Variants in MARCHF1 observed in about 807,000 individuals in gnomAD.
MARCHF1 encodes the protein E3 ubiquitin-protein ligase MARCHF1.
In MARCHF1, 40 loss-of-function variants were observed where a neutral mutation model predicts 54.2. That is an observed-to-expected ratio of 0.74 (90% CI 0.57 to 0.96). The LOEUF is 0.96. Among genes scored for constraint, MARCHF1 ranks in the 40% least tolerant of loss-of-function variants. The pLI is 0.00. For missense variants in MARCHF1, 586 were observed against 656.5 expected, an observed-to-expected ratio of 0.89 and a Z score of 1.17; for synonymous variants, 236 against 236.3, an observed-to-expected ratio of 1.00 and a Z score of 0.01.
chr4:164,134,414 A>G (rs1450361325), intron 1 of MARCHF1, among the ~76,000 whole-genome samples: 6 of 152,212 alleles, frequency 3.9e-5, no homozygotes, highest in Non-Finnish European at 5.9e-5. Flanking sequence ...GAGAGAATAC[A>G]TGCATCCTTG....
chr4:164,150,800 G>A (rs968292080), intron 1 of MARCHF1, among the ~76,000 whole-genome samples: 6 of 152,168 alleles, frequency 3.9e-5, no homozygotes, highest in East Asian at 1.9e-4. Context: ...AGATGTTCAC[G>A]TACTAATGTC....
Position 164,262,151 on chromosome 4 carries a change from GATCTTATTTATCATGTT to G in MARCHF1, c.-323+121702_-323+121718del, listed in dbSNP as rs558225492. 5.2e-3 allele frequency among the ~76,000 whole-genome samples: 786 copies of G among 151,178 alleles called. 7 individuals carry two copies. The highest frequency in any genetic ancestry group is 0.018 in the African/African-American group (735 of 41,166). Reference sequence around the variant, plus strand: ...GAATAGAGAGAATGCTGAGAGAAAGGATCTTATTTATCATGTTCACCTCCCAAGAGGTGAACATATCC... The same window carrying G: ...GAATAGAGAGAATGCTGAGAGAAAGGCACCTCCCAAGAGGTGAACATATCC... On this transcript the variant is annotated intron_variant, in intron 1 of 9. Coordinates refer to ENST00000514618, the MANE Select transcript of MARCHF1 (RefSeq NM_001394959.1).
intron 8 of MARCHF1, chr4:163,584,692 T>C (rs1740349273): frequency 6.6e-6 from 1 of 152,202 alleles, no homozygotes; most frequent in African/African-American, 2.4e-5. Context: ...CCCTCCACAA[T>C]TTACAGAATT....
chr4:163,737,153 CTTTTTTCTTTCTTT>C (rs377654344), intron 4 of MARCHF1, among the ~76,000 whole-genome samples: 3,764 of 79,204 alleles, frequency 0.048, 499 homozygotes, highest in East Asian at 0.11. Context: ...GCGCTCGCAG[CTTTTTTCTTTCTTT>C]TTTTTTTTTT....
intron 2 of MARCHF1, among the ~76,000 whole-genome samples, chr4:164,096,397 A>G (rs539980380): frequency 6.6e-6 from 1 of 152,240 alleles, no homozygotes; most frequent in South Asian, 2.1e-4. Flanking sequence ...TGGGAACAAT[A>G]GACACTGGAG....
At chr4:164,333,971 G>A (rs982971399) in intron 1 of MARCHF1, among the ~76,000 whole-genome samples, 15 of 152,168 alleles carry the variant, frequency 9.9e-5, no homozygotes, top group African/African-American at 2.4e-4. Context: ...AAGCCAAAGC[G>A]TAATCCAGAG....
chr4:164,182,268 GA>G (rs2111017422), intron 1 of MARCHF1, among the ~76,000 whole-genome samples: 1 of 151,690 alleles, frequency 6.6e-6, no homozygotes, highest in Non-Finnish European at 1.5e-5. Flanking sequence ...GAATAATTTA[GA>G]AAAGATTTAA....
intron 1 of MARCHF1, among the ~76,000 whole-genome samples, chr4:164,362,011 G>A (rs1053137817): frequency 6.6e-6 from 1 of 152,012 alleles, no homozygotes; most frequent in Middle Eastern, 3.2e-3. Flanking sequence ...GGTAAATTAT[G>A]CACTTGTAGA....
intron 1 of MARCHF1, among the ~76,000 whole-genome samples, chr4:164,273,651 C>A (rs1733798480): frequency 6.6e-6 from 1 of 152,128 alleles, no homozygotes; most frequent in Non-Finnish European, 1.5e-5. Context: ...ACATACAAAG[C>A]CTTAGAGAAG....
chr4:163,690,107 A>C (rs887774133), intron 5 of MARCHF1, among the ~76,000 whole-genome samples: 1 of 152,196 alleles, frequency 6.6e-6, no homozygotes, highest in African/African-American at 2.4e-5. Context: ...TCTTCAGCTA[A>C]GGAGACACAG....
At chr4:164,007,560 T>C (rs988396649) in intron 2 of MARCHF1, among the ~76,000 whole-genome samples, 1 of 151,382 alleles carries the variant, frequency 6.6e-6, no homozygotes, top group Non-Finnish European at 1.5e-5. Context: ...ATAGGTAATA[T>C]AAAAATATGT....
At chr4:163,680,472 G>A (rs1169011506) in intron 5 of MARCHF1, among the ~76,000 whole-genome samples, 1 of 152,142 alleles carries the variant, frequency 6.6e-6, no homozygotes, top group African/African-American at 2.4e-5. Flanking sequence ...ATCTTTCTCA[G>A]TATTACTCCT....
chr4:164,153,310 AC>A (rs1729993798), intron 1 of MARCHF1, among the ~76,000 whole-genome samples: 1 of 152,140 alleles, frequency 6.6e-6, no homozygotes, highest in South Asian at 2.1e-4. Flanking sequence ...CGACTTAAAA[AC>A]CATCCCTACC....
chr4:163,932,945 T>A (rs1330337235), intron 3 of MARCHF1: 8 of 670,298 alleles, frequency 1.2e-5, no homozygotes, highest in Admixed American at 7.4e-5. Flanking sequence ...AAATGATAGA[T>A]AATTCCCAAG....
chr4:164,331,136 AAAT>A (rs993814241), intron 1 of MARCHF1, among the ~76,000 whole-genome samples: 1 of 152,122 alleles, frequency 6.6e-6, no homozygotes, highest in Non-Finnish European at 1.5e-5. Flanking sequence ...TTTTATTTAA[AAAT>A]AATAATAATG....
intron 9 of MARCHF1, among the ~76,000 whole-genome samples, chr4:163,532,730 A>G (rs1162328316): frequency 2.0e-5 from 3 of 152,004 alleles, no homozygotes; most frequent in East Asian, 1.9e-4. Flanking sequence ...ATTTGAACAG[A>G]TATGTCATCA....
chr4:164,135,079 A>G (rs1210634708), intron 1 of MARCHF1, among the ~76,000 whole-genome samples: 1 of 152,196 alleles, frequency 6.6e-6, no homozygotes, highest in Non-Finnish European at 1.5e-5. Flanking sequence ...CTGGTTGGTT[A>G]TTAGTACACC....
chr4:164,171,356 T>A (rs955228023), intron 1 of MARCHF1, among the ~76,000 whole-genome samples: 5 of 152,102 alleles, frequency 3.3e-5, no homozygotes, highest in African/African-American at 1.2e-4. Context: ...ACTATATAAT[T>A]AAGCAACATT....
intron 1 of MARCHF1, among the ~76,000 whole-genome samples, chr4:164,243,092 G>C (rs1207525767): frequency 8.2e-6 from 1 of 122,414 alleles, no homozygotes; most frequent in Non-Finnish European, 1.7e-5. Flanking sequence ...AATCTAGCAA[G>C]GCAGGCCAAC....
Sources: gnomAD v4.1 joint callset for allele counts (sites outside exome capture counted in the v4.1 genomes callset) on GRCh38, gnomAD v4.1.1 for gene constraint, MANE v1.5 for transcripts, NCBI Gene and HGNC (gene_info 2026-07-23, HGNC 2026-07-21) for gene names.